The following SNX6 variants were observed in gnomAD, a reference collection of about 807,000 sequenced individuals.
The protein encoded by SNX6 is sorting nexin-6.
SNX6 carries 34 observed loss-of-function variants against 63.0 expected under a neutral mutation model. That is an observed-to-expected ratio of 0.54 (90% CI 0.41 to 0.72). The LOEUF (loss-of-function observed/expected upper bound fraction) is 0.72. SNX6 is among the 30% of genes least tolerant of loss of function. The pLI is 0.00. For synonymous variants in SNX6, 170 were observed against 164.2 expected, an observed-to-expected ratio of 1.04 and a Z score of -0.27; for missense variants, 398 against 471.4, an observed-to-expected ratio of 0.84 and a Z score of 1.44.
At chr14:34,565,683 A>ATT (rs151333176) in intron 13 of SNX6, among the ~76,000 whole-genome samples, 1 of 137,670 alleles carries the variant, frequency 7.3e-6, no homozygotes, top group African/African-American at 2.7e-5. Flanking sequence ...TGCCTGGCTG[A>ATT]TTTTTTTTTT....
In SNX6 at chr14:34,578,086, C is replaced by T. The variant is rs186438844; in HGVS notation, c.835-2244G>A. Among the ~76,000 whole-genome samples, 648 of 151,956 alleles carry T rather than the reference C, an allele frequency of 4.3e-3. 4 individuals carry two copies. The highest frequency in any genetic ancestry group is 0.024 in the Middle Eastern group (7 of 294). Reference sequence around the variant, plus strand: ...TAGGAGTGGCAGCAATGCCTGTAATCCCAGGTACTTGGGAGGCTGAGGCAT... The same window carrying T: ...TAGGAGTGGCAGCAATGCCTGTAATTCCAGGTACTTGGGAGGCTGAGGCAT... On this transcript the variant is annotated intron_variant, in intron 10 of 13. Transcript: ENST00000362031.
intron 2 of SNX6, among the ~76,000 whole-genome samples, chr14:34,622,569 CAAAAAAA>C (rs35554563): frequency 1.0e-5 from 1 of 99,712 alleles, no homozygotes; most frequent in Non-Finnish European, 2.0e-5. Context: ...GGCAATAGAG[CAAAAAAA>C]AAAAAAAAAA....
intron 9 of SNX6, among the ~76,000 whole-genome samples, chr14:34,583,825 A>C (rs1320701460): frequency 6.7e-6 from 1 of 149,840 alleles, no homozygotes; most frequent in East Asian, 2.0e-4. Context: ...TCCTGATAAG[A>C]AGAATTAACT....
At chr14:34,574,478 C>T (rs1327055678) in intron 11 of SNX6, among the ~76,000 whole-genome samples, 2 of 151,646 alleles carry the variant, frequency 1.3e-5, no homozygotes, top group African/African-American at 2.4e-5. Context: ...AGGGAAATCC[C>T]GCCTCTACTA....
intron 6 of SNX6, among the ~76,000 whole-genome samples, chr14:34,600,558 G>C (rs944419133): frequency 6.6e-6 from 1 of 151,920 alleles, no homozygotes; most frequent in Non-Finnish European, 1.5e-5. Context: ...GATTAAAGGT[G>C]TGACTTACTA....
Position 34,574,109 on chromosome 14 carries a change from G to C in SNX6, c.921+1647C>G, listed in dbSNP as rs1036085715. 8.6e-5 allele frequency among the ~76,000 whole-genome samples: 13 copies of C among 150,516 alleles called. No individual in the cohort carries two copies. In the East Asian group the frequency reaches 2.4e-3, roughly 28 times the overall value. On this transcript the variant is annotated intron_variant, in intron 11 of 13. Coordinates refer to ENST00000362031, the MANE Select transcript of SNX6 (RefSeq NM_152233.4). ...TCCCAGCACTTTGGGAGGCCGAGGT[G>C]GGGGGATCACGGGGTCAGGAGTTCG...
chr14:34,609,699 T>G lies in SNX6; in HGVS notation c.98A>C (p.Gln33Pro). 6.2e-7 allele frequency: 1 copy of G among 1,613,268 alleles called. No homozygotes were observed. The change falls in exon 3 of 14, where the codon CAG becomes CCG. Residue 33 changes from glutamine (Q) to proline (P), a missense_variant. Transcript: ENST00000362031. ...NVDLQSDAAL[Q>P]VDISDALSER... is the part of the protein sequence containing the mutation. ...ACTAAGAGCATCAGAAATGTCCACC[T>G]GCAGAGCAGCATCACTTTGAAGATC...
At chr14:34,590,948 T>C (rs1373584338) in intron 8 of SNX6, among the ~76,000 whole-genome samples, 3 of 152,196 alleles carry the variant, frequency 2.0e-5, no homozygotes, top group Non-Finnish European at 4.4e-5. Flanking sequence ...AAATAGTTTT[T>C]TGAGTTTCAA....
intron 8 of SNX6, among the ~76,000 whole-genome samples, chr14:34,590,812 CA>C (rs1324282866): frequency 6.6e-6 from 1 of 152,152 alleles, no homozygotes. Flanking sequence ...AAATGGCTCA[CA>C]TAAATTGTAT....
At chr14:34,595,994 C>A (rs968588712) in intron 7 of SNX6, among the ~76,000 whole-genome samples, 1 of 151,780 alleles carries the variant, frequency 6.6e-6, no homozygotes, top group African/African-American at 2.4e-5. Context: ...CCAAGGTGGG[C>A]GGATCACGAG....
intron 8 of SNX6, among the ~76,000 whole-genome samples, chr14:34,589,947 C>T (rs1446224440): frequency 6.6e-6 from 1 of 152,056 alleles, no homozygotes. Flanking sequence ...CCTGTCTCTA[C>T]CCCCTCAGCA....
intron 2 of SNX6, among the ~76,000 whole-genome samples, chr14:34,622,532 G>C (rs145147163): frequency 6.9e-6 from 1 of 144,970 alleles, no homozygotes; most frequent in African/African-American, 2.6e-5. Context: ...GCAGTGAGCC[G>C]AGATCGTGCC....
At chr14:34,615,283 T>C (rs981993209) in intron 2 of SNX6, among the ~76,000 whole-genome samples, 6 of 151,566 alleles carry the variant, frequency 4.0e-5, no homozygotes, top group Admixed American at 3.9e-4. Context: ...TAAAGAGCTT[T>C]AACAAATATA....
At chr14:34,571,481 G>T (rs1881450760) in intron 11 of SNX6, among the ~76,000 whole-genome samples, 1 of 151,986 alleles carries the variant, frequency 6.6e-6, no homozygotes, top group Admixed American at 6.6e-5. Flanking sequence ...AAACTTAAGC[G>T]CATGTAACTA....
At chr14:34,575,884 A>T in intron 10 of SNX6, 42 bp from the exon 11 acceptor site, 1 of 1,130,502 alleles carries the variant, frequency 8.8e-7, no homozygotes. Context: ...CAACAACTAC[A>T]TTCTCCTCTC....
intron 3 of SNX6, among the ~76,000 whole-genome samples, chr14:34,609,154 T>C (rs1349529611): frequency 6.6e-6 from 1 of 151,744 alleles, no homozygotes; most frequent in Non-Finnish European, 1.5e-5. Context: ...AAATTTGCCT[T>C]CTGTCTAGGT....
At chr14:34,567,312 C>A (rs1286822092) in intron 13 of SNX6, among the ~76,000 whole-genome samples, 1 of 151,928 alleles carries the variant, frequency 6.6e-6, no homozygotes, top group African/African-American at 2.4e-5. Flanking sequence ...CATGGTGAAA[C>A]CCTGTCTCTA....
intron 2 of SNX6, among the ~76,000 whole-genome samples, chr14:34,628,319 C>T (rs983547807): frequency 3.3e-5 from 5 of 152,098 alleles, no homozygotes; most frequent in African/African-American, 9.7e-5. Context: ...ATTAGCCGGG[C>T]GTGGTGGCGG....
chr14:34,566,729 A>G lies in SNX6; in HGVS notation c.1167+957T>C, dbSNP rs1365763665. Among the ~76,000 whole-genome samples the G allele has an allele frequency of 5.3e-5, 8 of 152,270 alleles. 1 individual carries two copies. The highest frequency in any genetic ancestry group is 3.4e-3 in the Middle Eastern group (1 of 294). ...CTATAAGGTTTAGGCCAAACTTTCT[A>G]TTAACTACAAGAAGAGGCTTAATTC... On this transcript the variant is annotated intron_variant, in intron 13 of 13. Transcript: ENST00000362031.
Sources: gnomAD v4.1 joint callset for allele counts (sites outside exome capture counted in the v4.1 genomes callset) on GRCh38, gnomAD v4.1.1 for gene constraint, MANE v1.5 for transcripts, NCBI Gene and HGNC (gene_info 2026-07-23, HGNC 2026-07-21) for gene names.